GABRB3: variants seen among roughly 807,000 people sequenced by gnomAD.
The protein encoded by GABRB3 is gamma-aminobutyric acid receptor subunit beta-3.
A neutral mutation model predicts 52.1 loss-of-function variants in GABRB3; 14 were observed. That is an observed-to-expected ratio of 0.27 (90% confidence interval 0.18 to 0.42). The LOEUF is 0.42. Ranked by LOEUF, GABRB3 falls within the 10% of genes least tolerant of loss-of-function variation. GABRB3 has a pLI of 1.00. For missense variants in GABRB3, 307 were observed against 609.1 expected (o/e 0.50, Z 5.22); for synonymous variants, 260 against 232.3 (o/e 1.12, Z -1.08).
intron 4 of GABRB3, among the ~76,000 whole-genome samples, chr15:26,610,614 G>T (rs1159922539): frequency 2.0e-5 from 3 of 152,142 alleles, no homozygotes; most frequent in Non-Finnish European, 4.4e-5. Flanking sequence ...TGTTAAATGG[G>T]AAAGTGGGAT....
intron 4 of GABRB3, among the ~76,000 whole-genome samples, chr15:26,606,805 TATA>T (rs1891839487): frequency 8.5e-6 from 1 of 117,950 alleles, no homozygotes; most frequent in Non-Finnish European, 2.0e-5. Flanking sequence ...TAGATATATC[TATA>T]GATAGATAGA....
chr15:26,714,414 G>A (rs902929098), intron 3 of GABRB3, among the ~76,000 whole-genome samples: 8 of 152,200 alleles, frequency 5.3e-5, no homozygotes, highest in Admixed American at 3.9e-4. Flanking sequence ...GCCCAAGGTG[G>A]TCAGAACACA....
chr15:26,568,764 C>G (rs1890283680), intron 6 of GABRB3, among the ~76,000 whole-genome samples: 1 of 150,350 alleles, frequency 6.7e-6, no homozygotes, highest in African/African-American at 2.4e-5. Flanking sequence ...ATCCACCCAC[C>G]TCGGCCTCCC....
At chr15:26,696,427 T>C (rs1485764010) in intron 3 of GABRB3, among the ~76,000 whole-genome samples, 1 of 151,558 alleles carries the variant, frequency 6.6e-6, no homozygotes, top group African/African-American at 2.4e-5. Flanking sequence ...TGAGGCCCGA[T>C]GACGTAGAGC....
At chr15:26,686,992 C>T (rs1362773775) in intron 3 of GABRB3, among the ~76,000 whole-genome samples, 1 of 152,266 alleles carries the variant, frequency 6.6e-6, no homozygotes, top group East Asian at 1.9e-4. Flanking sequence ...AGCCACCCGC[C>T]AGCTCTGGTG....
intron 4 of GABRB3, among the ~76,000 whole-genome samples, chr15:26,592,086 A>C (rs1333970347): frequency 6.6e-6 from 1 of 152,142 alleles, no homozygotes; most frequent in Non-Finnish European, 1.5e-5. Context: ...AATGCATGGA[A>C]CCCAGAGGCT....
intron 6 of GABRB3, among the ~76,000 whole-genome samples, chr15:26,577,860 C>T (rs1166472369): frequency 6.6e-6 from 1 of 152,192 alleles, no homozygotes; most frequent in Non-Finnish European, 1.5e-5. Context: ...AATCATAGCT[C>T]ACTGCAGCCT....
In GABRB3 at chr15:26,621,871, T is replaced by C. The variant is rs1674654309; in HGVS notation, c.241-337A>G. ...ATCAGGTTGCTGGCGGGGAACTAGA[T>C]TGTTCCCATGGATGTTCTCTTTCCC... On this transcript the variant is annotated intron_variant, in intron 3 of 8. Coordinates refer to ENST00000311550, the MANE Select transcript of GABRB3 (RefSeq NM_000814.6). This position sits in a 1 kb window ranked among gnomAD's most constrained non-coding sequence, Gnocchi z 4.1. 2.2e-5 allele frequency among the ~76,000 whole-genome samples: 3 copies of C among 138,440 alleles called. No homozygotes were observed. The highest frequency in any genetic ancestry group is 1.4e-4 in the Admixed American group (2 of 13,884). The allele number at this position is 138,440 out of a possible 152,430, so 90.8% of individuals were successfully genotyped here.
chr15:26,553,211 C>T (rs1170095631), intron 8 of GABRB3, among the ~76,000 whole-genome samples: 3 of 152,134 alleles, frequency 2.0e-5, no homozygotes, highest in African/African-American at 7.2e-5. Flanking sequence ...AGTGCAGTGG[C>T]GCGATCTCGG....
At chr15:26,592,918 G>A (rs1164624791) in intron 4 of GABRB3, among the ~76,000 whole-genome samples, 1 of 152,148 alleles carries the variant, frequency 6.6e-6, no homozygotes, top group African/African-American at 2.4e-5. Context: ...GGGAGGCTGA[G>A]GCAGGAGAAT....
intron 3 of GABRB3, among the ~76,000 whole-genome samples, chr15:26,691,656 AAGGTT>A (rs1392247190): frequency 2.0e-5 from 3 of 152,242 alleles, no homozygotes; most frequent in Non-Finnish European, 4.4e-5. Context: ...TACAAGAAAT[AAGGTT>A]ACTTATCTGT....
intron 3 of GABRB3, among the ~76,000 whole-genome samples, chr15:26,668,020 C>T (rs375511663): frequency 2.6e-5 from 4 of 152,256 alleles, no homozygotes; most frequent in Non-Finnish European, 5.9e-5. Context: ...AGATTCCCTG[C>T]GTAACACCCT....
rs961787966 is a variant in GABRB3 at position 26,545,106 on chromosome 15, T to C, written c.*2687A>G. The C allele has an allele frequency of 5.2e-5, 8 of 152,620 alleles. No homozygotes were observed. Among genetic ancestry groups the C allele is most frequent in the Non-Finnish European group, 1.2e-4 (8 of 68,020 alleles). 9.5% of individuals were successfully genotyped at this position (152,620 alleles called of 1,614,324 possible). ...TAAAATAATTTTGTTAGAAGAAAAG[T>C]AATTTTCTTCTGAAATGGAGTAAAG... is the stretch of plus-strand genomic sequence containing the variant. On this transcript the variant is annotated 3_prime_UTR_variant, in exon 9 of 9. Transcript: ENST00000311550.
rs1481304817 is a variant in GABRB3 at position 26,660,349 on chromosome 15, AAC to A, written c.241-38817_241-38816del. ...CCATAGCAACCGAATGTGTGTAATA[AAC>A]AGTTTTGTTACATTGTAGTTAAAAC... is the stretch of plus-strand genomic sequence containing the variant. On this transcript the variant is annotated intron_variant, in intron 3 of 8. Coordinates refer to ENST00000311550, the MANE Select transcript of GABRB3 (RefSeq NM_000814.6). Among the ~76,000 whole-genome samples the A allele has an allele frequency of 5.9e-5, 9 of 152,234 alleles. No individual in the cohort carries two copies. The South Asian group carries it at 6.2e-4, about 11-fold the overall frequency.
chr15:26,655,998 C>T (rs1156858091), intron 3 of GABRB3, among the ~76,000 whole-genome samples: 1 of 152,154 alleles, frequency 6.6e-6, no homozygotes, highest in Non-Finnish European at 1.5e-5. Flanking sequence ...CTCTGACTAA[C>T]GTATTTTGGC....
At chr15:26,635,923 TA>T (rs2140565315) in intron 3 of GABRB3, among the ~76,000 whole-genome samples, 1 of 152,368 alleles carries the variant, frequency 6.6e-6, no homozygotes, top group South Asian at 2.1e-4. Flanking sequence ...TGCTGTTAGA[TA>T]AATCACAATA....
chr15:26,629,157 T>G, intron 3 of GABRB3: 7 of 1,503,040 alleles, frequency 4.7e-6, no homozygotes, highest in Non-Finnish European at 6.2e-6. Flanking sequence ...AGGGGCGGAG[T>G]GTGGGGAGAA....
intron 4 of GABRB3, among the ~76,000 whole-genome samples, chr15:26,608,477 G>A (rs1229674008): frequency 6.6e-6 from 1 of 152,006 alleles, no homozygotes; most frequent in African/African-American, 2.4e-5. Flanking sequence ...AAAAGCTTCT[G>A]CACCAAAAAC....
intron 8 of GABRB3, among the ~76,000 whole-genome samples, chr15:26,551,426 A>G (rs1889457866): frequency 6.6e-6 from 1 of 152,158 alleles, no homozygotes; most frequent in African/African-American, 2.4e-5. Flanking sequence ...CCACTGCAAC[A>G]TATCTTGAGG....
Sources: allele counts gnomAD v4.1 joint callset (sites outside exome capture counted in the v4.1 genomes callset), GRCh38; gene constraint gnomAD v4.1.1; non-coding constraint Gnocchi (gnomAD v3.1); transcripts MANE v1.5; gene names NCBI Gene and HGNC (gene_info 2026-07-23, HGNC 2026-07-21).